BTBD9: variants seen among roughly 807,000 people sequenced by gnomAD.
BTBD9 encodes the protein BTB/POZ domain-containing protein 9.
A neutral mutation model predicts 64.3 loss-of-function variants in BTBD9; 49 were observed. The ratio of observed to expected loss-of-function variants is 0.76; its 90% CI spans 0.61 to 0.97. BTBD9 has a LOEUF of 0.97. BTBD9 is among the 50% of genes least tolerant of loss of function. BTBD9 has a pLI of 0.00. For missense variants in BTBD9, 598 were observed against 762.1 expected (o/e 0.78, Z 2.53); for synonymous variants, 260 against 274.7 (o/e 0.95, Z 0.53).
At chr6:38,460,234 T>C (rs185483295) in intron 6 of BTBD9, among the ~76,000 whole-genome samples, 45 of 152,358 alleles carry the variant, frequency 3.0e-4, no homozygotes, top group Admixed American at 2.0e-3. Context: ...TGAGTTTCTC[T>C]GTACTGTCTA....
At chr6:38,271,505 G>A (rs1765193733) in intron 8 of BTBD9, among the ~76,000 whole-genome samples, 1 of 152,136 alleles carries the variant, frequency 6.6e-6, no homozygotes, top group Non-Finnish European at 1.5e-5. Context: ...GGAACTGAAT[G>A]GATTAGGCAT....
chr6:38,474,132 T>C (rs1380780087), intron 6 of BTBD9, among the ~76,000 whole-genome samples: 1 of 152,186 alleles, frequency 6.6e-6, no homozygotes, highest in Non-Finnish European at 1.5e-5. Context: ...ATGATCTGAT[T>C]TATGTCTTAA....
chr6:38,512,774 A>G (rs1772830978), intron 6 of BTBD9, among the ~76,000 whole-genome samples: 2 of 152,232 alleles, frequency 1.3e-5, no homozygotes, highest in Non-Finnish European at 2.9e-5. Context: ...CCATATTATT[A>G]CAAACCATTC....
chr6:38,189,087 C>T (rs573719800), intron 10 of BTBD9, among the ~76,000 whole-genome samples: 10 of 152,312 alleles, frequency 6.6e-5, no homozygotes, highest in South Asian at 2.1e-4. Flanking sequence ...CTCCAGGCCA[C>T]GCTCCATAGT....
At chr6:38,260,956 G>A (rs903528405) in intron 8 of BTBD9, among the ~76,000 whole-genome samples, 9 of 150,930 alleles carry the variant, frequency 6.0e-5, no homozygotes, top group African/African-American at 2.2e-4. Flanking sequence ...TTTTTCTTTG[G>A]AAACAGGGTT....
intron 6 of BTBD9, among the ~76,000 whole-genome samples, chr6:38,421,450 T>A (rs1048198382): frequency 6.6e-6 from 1 of 152,226 alleles, no homozygotes; most frequent in Non-Finnish European, 1.5e-5. Flanking sequence ...TTTAAACATG[T>A]GTTTTGGTTT....
At chr6:38,238,354 C>A (rs1763863151) in intron 9 of BTBD9, among the ~76,000 whole-genome samples, 1 of 151,964 alleles carries the variant, frequency 6.6e-6, no homozygotes, top group Non-Finnish European at 1.5e-5. Flanking sequence ...AAGGGTAGGG[C>A]AACTCAAGGA....
chr6:38,234,920 T>A (rs1433999989), intron 9 of BTBD9, among the ~76,000 whole-genome samples: 1 of 152,260 alleles, frequency 6.6e-6, no homozygotes, highest in African/African-American at 2.4e-5. Context: ...AGGCTAAGAT[T>A]GAAATAATTT....
rs563077378 is a variant in BTBD9, at chr6:38,338,404, C to T, written c.1264+6580G>A. ...AGTTGACTACAGGTAAATGAAACCA[C>T]GGAAAGCAAAACCACAGATAAGGGG... On this transcript the variant is annotated intron_variant, in intron 7 of 10. Coordinates refer to ENST00000481247, the MANE Select transcript of BTBD9 (RefSeq NM_001099272.2). Among the ~76,000 whole-genome samples, 6 of 152,138 alleles carry T rather than the reference C, an allele frequency of 3.9e-5. 1 individual carries two copies. Among genetic ancestry groups the T allele is most frequent in the Admixed American group, 2.6e-4 (4 of 15,274 alleles).
chr6:38,182,186 A>G (rs941303768), intron 10 of BTBD9, among the ~76,000 whole-genome samples: 1 of 151,982 alleles, frequency 6.6e-6, no homozygotes, highest in African/African-American at 2.4e-5. Flanking sequence ...AAACTTTACA[A>G]TATCATTTTC....
chr6:38,382,055 G>C (rs533070218), intron 6 of BTBD9, among the ~76,000 whole-genome samples: 4 of 152,100 alleles, frequency 2.6e-5, no homozygotes, highest in Non-Finnish European at 4.4e-5. Context: ...AAAACTGTCC[G>C]AATCAACTTT....
At chr6:38,209,544 A>G (rs1762762068) in intron 9 of BTBD9, among the ~76,000 whole-genome samples, 2 of 152,116 alleles carry the variant, frequency 1.3e-5, no homozygotes, top group African/African-American at 2.4e-5. Flanking sequence ...CACATCAGAA[A>G]CACCCGTGGA....
intron 6 of BTBD9, among the ~76,000 whole-genome samples, chr6:38,557,262 C>T (rs564761763): frequency 6.6e-6 from 1 of 152,048 alleles, no homozygotes; most frequent in African/African-American, 2.4e-5. Context: ...AGGAGAATCA[C>T]TTCACCCCGG....
Position 38,182,059 on chromosome 6 carries a change from T to C in BTBD9, c.1642-6877A>G, listed in dbSNP as rs187763990. On this transcript the variant is annotated intron_variant, in intron 10 of 10. Coordinates refer to ENST00000481247, the MANE Select transcript of BTBD9 (RefSeq NM_001099272.2). ...ACTTCATAGGGAGACATTTCCAAAT[T>C]GCGAGCAACAAATTTTCAGTATTGC... 9.3e-4 allele frequency among the ~76,000 whole-genome samples: 142 copies of C among 152,290 alleles called. 2 individuals carry two copies. Among genetic ancestry groups the C allele is most frequent in the Non-Finnish European group, 1.0e-4 (7 of 68,016 alleles).
chr6:38,418,795 C>T (rs1010598196), intron 6 of BTBD9, among the ~76,000 whole-genome samples: 1 of 152,134 alleles, frequency 6.6e-6, no homozygotes, highest in African/African-American at 2.4e-5. Flanking sequence ...GGGGCAATAT[C>T]ACCTTGGATG....
intron 7 of BTBD9, among the ~76,000 whole-genome samples, chr6:38,301,999 T>C (rs1215998966): frequency 4.6e-5 from 7 of 152,198 alleles, no homozygotes; most frequent in Non-Finnish European, 1.0e-4. Context: ...GGGCATTTAG[T>C]GCTATAAATT....
rs368581854 is a variant in BTBD9 at position 38,267,611 on chromosome 6, A to G, written c.1455-11095T>C. Among the ~76,000 whole-genome samples, 9 of 152,322 alleles carry G rather than the reference A, an allele frequency of 5.9e-5. No individual in the cohort carries two copies. The East Asian group carries it at 1.5e-3, about 26-fold the overall frequency. On this transcript the variant is annotated intron_variant, in intron 8 of 10. Coordinates refer to ENST00000481247, the MANE Select transcript of BTBD9 (RefSeq NM_001099272.2). ...TAATGACCTTGGTATTTCCCAGCACAATGCCTTACACATCATAAGCTCTAC... is the reference window on the plus strand; with the variant it reads ...TAATGACCTTGGTATTTCCCAGCACGATGCCTTACACATCATAAGCTCTAC...
At chr6:38,349,203 A>T (rs1764405406) in intron 6 of BTBD9, among the ~76,000 whole-genome samples, 2 of 152,130 alleles carry the variant, frequency 1.3e-5, no homozygotes, top group South Asian at 4.1e-4. Context: ...ATTTTTTTTT[A>T]AAACTTAGTT....
At chr6:38,179,490 A>C (rs1026087847) in intron 10 of BTBD9, 1 of 456,780 alleles carries the variant, frequency 2.2e-6, no homozygotes, top group Non-Finnish European at 4.4e-6. Context: ...ACAGCAGCTC[A>C]GACCTGCACT....
Sources: gnomAD v4.1 joint callset for allele counts (sites outside exome capture counted in the v4.1 genomes callset) on GRCh38, gnomAD v4.1.1 for gene constraint, MANE v1.5 for transcripts, NCBI Gene and HGNC (gene_info 2026-07-23, HGNC 2026-07-21) for gene names.